The following ATP4B variants were observed in gnomAD, a reference collection of about 807,000 sequenced individuals.
ATP4B encodes ATPase H+/K+ transporting subunit beta.
A neutral mutation model predicts 35.3 loss-of-function variants in ATP4B; 27 were observed. The ratio of observed to expected loss-of-function variants is 0.76; its 90% CI spans 0.56 to 1.05. ATP4B has a LOEUF of 1.05. Among genes scored for constraint, ATP4B ranks in the 50% least tolerant of loss-of-function variants. The probability of loss-of-function intolerance (pLI) is 0.00; values close to 1 mark genes in which losing one functional copy is unlikely to be tolerated. For synonymous variants in ATP4B, 162 were observed against 156.0 expected, an observed-to-expected ratio of 1.04 and a Z score of -0.29; for missense variants, 375 against 384.8, an observed-to-expected ratio of 0.97 and a Z score of 0.21.
chr13:113,652,386 A>T (rs1297246385), intron 4 of ATP4B, among the ~76,000 whole-genome samples: 2 of 152,212 alleles, frequency 1.3e-5, no homozygotes, highest in Non-Finnish European at 2.9e-5. Context: ...AGAGCTGCTG[A>T]TTGGTCCATG....
At chr13:113,651,385 G>A (rs2049710650) in intron 5 of ATP4B, among the ~76,000 whole-genome samples, 1 of 152,350 alleles carries the variant, frequency 6.6e-6, no homozygotes, top group East Asian at 1.9e-4. Flanking sequence ...AAGGTGCACT[G>A]GTCTTTCCAC....
In ATP4B at chr13:113,649,585, A is replaced by G. The variant is rs143905334; in HGVS notation, c.715-50T>C. On this transcript the variant is annotated intron_variant, in intron 6 of 6. Transcript: ENST00000335288. The surrounding 1 kb of genome is among the most constrained non-coding windows in gnomAD (Gnocchi z 4.7). Reference sequence around the variant, plus strand: ...AGGTGTTTCAAAAATCTCTGAAGTTAAGGAGAGAAAACTAAGCAAGGAAGT... The same window carrying G: ...AGGTGTTTCAAAAATCTCTGAAGTTGAGGAGAGAAAACTAAGCAAGGAAGT... The G allele has an allele frequency of 2.5e-4, 362 of 1,447,090 alleles. 1 individual carries two copies. The African/African-American group carries it at 4.7e-3, about 19-fold the overall frequency. The allele number at this position is 1,447,090 out of a possible 1,614,324, so 89.6% of individuals were successfully genotyped here.
chr13:113,656,195 C>T (rs1047863462), intron 1 of ATP4B, among the ~76,000 whole-genome samples: 1 of 152,164 alleles, frequency 6.6e-6, no homozygotes, highest in African/African-American at 2.4e-5. Flanking sequence ...TGGTGCTGGC[C>T]CTGCAGGTCC....
Position 113,653,343 on chromosome 13 carries a change from CTG to C in ATP4B, c.331_332del (p.Gln111AspfsTer62). Reference protein sequence around the residue: ...SDNRTWADLTQTLHAFLAGYS... With the variant: ...SDNRTWADLTXTLHAFLAGYS... Reference sequence around the variant, plus strand: ...CACCTGCTAGGAAGGCGTGGAGAGTCTGTGTGAGGTCTGCCCAGGTTCTGTTA... The same window carrying C: ...CACCTGCTAGGAAGGCGTGGAGAGTCTGTGAGGTCTGCCCAGGTTCTGTTA... On this transcript the variant is annotated frameshift_variant, in exon 3 of 7. Transcript: ENST00000335288. LOFTEE classifies it high-confidence loss of function. 1 of 1,614,116 alleles carries C rather than the reference CTG, an allele frequency of 6.2e-7. No homozygotes were observed. Among genetic ancestry groups the C allele is most frequent in the Non-Finnish European group, 8.5e-7 (1 of 1,180,002 alleles).
At chr13:113,653,127 G>A in intron 3 of ATP4B, 55 bp from the exon 4 acceptor site, 1 of 1,564,970 alleles carries the variant, frequency 6.4e-7, no homozygotes, top group Non-Finnish European at 8.7e-7. Flanking sequence ...ACGCCTGGCT[G>A]CCCCCCGGGA....
At chr13:113,655,069 C>A in intron 1 of ATP4B, 127 bp from the exon 2 acceptor site, 2 of 1,310,948 alleles carry the variant, frequency 1.5e-6, no homozygotes, top group Non-Finnish European at 2.1e-6. Context: ...CATTCTCCTC[C>A]CCCAAAACAG....
chr13:113,650,085 C>T lies in ATP4B; in HGVS notation c.714+321G>A, dbSNP rs1309575461. Among the ~76,000 whole-genome samples, 1 of 151,890 alleles carries T rather than the reference C, an allele frequency of 6.6e-6. No individual in the cohort carries two copies. The highest frequency in any genetic ancestry group is 1.5e-5 in the Non-Finnish European group (1 of 67,986). On this transcript the variant is annotated intron_variant, in intron 6 of 6. Transcript: ENST00000335288. This position sits in a 1 kb window ranked among gnomAD's most constrained non-coding sequence, Gnocchi z 5.0. ...GGCTGAGGTGGGAGGATCACTTGAG[C>T]CCAGGTGGTTGAGGCTGCAATGAGC...
In ATP4B at chr13:113,650,454, G is replaced by T; in HGVS notation, c.666C>A (p.Asn222Lys). Residue 222 changes from asparagine to lysine, a missense_variant, in exon 6 of 7, where the codon AAC becomes AAA. Transcript: ENST00000335288. This position sits in a 1 kb window ranked among gnomAD's most constrained non-coding sequence, Gnocchi z 5.0. ...GGAAGTAGTGCAGACTGAAGGTGCC[G>T]TTGGGAGGGTAGTACTTGACCTGCA... ...QPLQVKYYPP[N>K]GTFSLHYFPY... is the part of the protein sequence containing the mutation. 1.9e-6 allele frequency: 3 copies of T among 1,614,126 alleles called. No homozygotes were observed. The highest frequency in any genetic ancestry group is 2.2e-5 in the South Asian group (2 of 91,084).
At chr13:113,653,110 G>A in intron 3 of ATP4B, 38 bp from the exon 4 acceptor site, 1 of 1,583,306 alleles carries the variant, frequency 6.3e-7, no homozygotes, top group Non-Finnish European at 8.6e-7. Flanking sequence ...GTCCTGCCCT[G>A]GCCCTGACGC....
chr13:113,657,351 ACTCT>A (rs1220847159), intron 1 of ATP4B, among the ~76,000 whole-genome samples: 1 of 151,948 alleles, frequency 6.6e-6, no homozygotes, highest in African/African-American at 2.4e-5. Flanking sequence ...CTTCCTCCAG[ACTCT>A]CTCATAAGGG....
chr13:113,652,799 C>A, intron 4 of ATP4B, 74 bp downstream of exon 4: 1 of 1,534,138 alleles, frequency 6.5e-7, no homozygotes, highest in East Asian at 2.3e-5. Flanking sequence ...ACCTGTGCTC[C>A]TCGTGGTGGG....
In ATP4B at chr13:113,653,274, C is replaced by G. The variant is rs769399039; in HGVS notation, c.355+47G>C. 6 of 1,581,876 alleles carry G rather than the reference C, an allele frequency of 3.8e-6. No homozygotes were observed. The South Asian group carries it at 4.5e-5, about 12-fold the overall frequency. Reference sequence around the variant, plus strand: ...ACCTCACCCACCCGCCGCTTCACACCTCACCCACCCGCCGCTTCACACCTC... The same window carrying G: ...ACCTCACCCACCCGCCGCTTCACACGTCACCCACCCGCCGCTTCACACCTC... On this transcript the variant is annotated intron_variant, in intron 3 of 6. Coordinates refer to ENST00000335288, the MANE Select transcript of ATP4B (RefSeq NM_000705.4).
chr13:113,649,383 A>T lies in ATP4B; in HGVS notation c.867T>A (p.Ile289=), dbSNP rs769901596. 1 of 1,594,330 alleles carries T rather than the reference A, an allele frequency of 6.3e-7. No homozygotes were observed. Among genetic ancestry groups the T allele is most frequent in the South Asian group, 1.1e-5 (1 of 88,280 alleles). ...CCCTGCGCAAACCGTTTCACTTCTC[A>T]ATCTTGAGTTTGAACTCCACTTTCC... The part of the protein sequence containing the change: ...YEGKVEFKLK[I]EK The change falls in exon 7 of 7, where the codon ATT becomes ATA. Residue 289 remains isoleucine, a synonymous_variant. Coordinates refer to ENST00000335288, the MANE Select transcript of ATP4B (RefSeq NM_000705.4). The surrounding 1 kb of genome is among the most constrained non-coding windows in gnomAD (Gnocchi z 4.7).
At position 113,658,050 on chromosome 13, in the gene ATP4B, C is replaced by G. The variant is rs765698016; in HGVS notation, c.95G>C (p.Arg32Pro). ...GCACGTACCCCACCGGGACAGGGTG[C>G]GGCCCAGCATCTGCCCCGTGTCCGG... is the stretch of plus-strand genomic sequence containing the variant. ...WNPDTGQMLG[R>P]TLSRWVWISL... Residue 32 changes from arginine to proline, a missense_variant, in exon 1 of 7, where the codon CGC (arginine) becomes CCC (proline). Coordinates refer to ENST00000335288, the MANE Select transcript of ATP4B (RefSeq NM_000705.4). 4.4e-6 allele frequency: 7 copies of G among 1,604,254 alleles called. No homozygotes were observed. The highest frequency in any genetic ancestry group is 6.0e-6 in the Non-Finnish European group (7 of 1,176,448).
At chr13:113,651,748 C>T (rs372676406) in intron 4 of ATP4B, 21 bp from the exon 5 acceptor site, 1,353 of 1,611,826 alleles carry the variant, frequency 8.4e-4, no homozygotes, top group Non-Finnish European at 1.1e-3. Context: ...AAAGCTTGAG[C>T]GTGGCCGCTC....
chr13:113,652,843 T>C, intron 4 of ATP4B, 30 bp downstream of exon 4: 2 of 1,609,584 alleles, frequency 1.2e-6, no homozygotes, highest in South Asian at 2.2e-5. Flanking sequence ...ACTGTTGTAG[T>C]GGCGTGTGAA....
chr13:113,656,880 G>A (rs934438038), intron 1 of ATP4B, among the ~76,000 whole-genome samples: 5 of 152,206 alleles, frequency 3.3e-5, no homozygotes, highest in Middle Eastern at 3.4e-3. Flanking sequence ...GGACCTGGCC[G>A]GCAGCCCCCA....
Sources: gnomAD v4.1 joint callset for allele counts (sites outside exome capture counted in the v4.1 genomes callset) on GRCh38, gnomAD v4.1.1 for gene constraint, Gnocchi (gnomAD v3.1) non-coding constraint, MANE v1.5 for transcripts, NCBI Gene and HGNC (gene_info 2026-07-23, HGNC 2026-07-21) for gene names.